CHL1: variants seen among roughly 807,000 people sequenced by gnomAD.
CHL1 encodes cell adhesion molecule L1 like, also known as neural cell adhesion molecule L1-like protein.
In CHL1, 96 loss-of-function variants were observed where a neutral mutation model predicts 141.9. The observed-to-expected ratio is 0.68, with a 90% CI of 0.57 to 0.80. The LOEUF (loss-of-function observed/expected upper bound fraction) is 0.80. CHL1 is among the 30% of genes least tolerant of loss of function. The pLI, the probability that CHL1 is intolerant of heterozygous loss-of-function variation, is 0.00. For synonymous variants in CHL1, 613 were observed against 502.2 expected (o/e 1.22, Z -2.95); for missense variants, 1,820 against 1,457.2 (o/e 1.25, Z -4.05).
intron 9 of CHL1, 111 bp from the exon 10 acceptor site, chr3:349,248 A>G (rs1180914062): frequency 2.4e-6 from 2 of 834,300 alleles, no homozygotes; most frequent in African/African-American, 3.4e-5. Context: ...ATTCAGTGGA[A>G]TATGAGCACA....
chr3:205,747 CAG>C (rs1699378666), intron 1 of CHL1, among the ~76,000 whole-genome samples: 1 of 152,170 alleles, frequency 6.6e-6, no homozygotes, highest in African/African-American at 2.4e-5. Context: ...GTGCTAGAGA[CAG>C]GAATGAAACT....
chr3:273,831 G>A (rs1695849540), intron 2 of CHL1, among the ~76,000 whole-genome samples: 1 of 152,092 alleles, frequency 6.6e-6, no homozygotes, highest in African/African-American at 2.4e-5. Context: ...TTTCCTAACT[G>A]CTCCAATCTA....
At chr3:340,396 C>T (rs187774521) in intron 5 of CHL1, among the ~76,000 whole-genome samples, 2 of 152,146 alleles carry the variant, frequency 1.3e-5, no homozygotes, top group African/African-American at 2.4e-5. Flanking sequence ...CCCAATAAAG[C>T]GAGAGATAGA....
chr3:322,640 T>C (rs1271069734), intron 3 of CHL1, among the ~76,000 whole-genome samples: 3 of 97,072 alleles, frequency 3.1e-5, no homozygotes, highest in African/African-American at 1.2e-4. Context: ...TATATATATA[T>C]ATAAAATATA....
intron 2 of CHL1, among the ~76,000 whole-genome samples, chr3:287,111 C>T (rs1697224358): frequency 6.6e-6 from 1 of 152,100 alleles, no homozygotes. Context: ...TACCTAACCC[C>T]CATTCAAGAT....
chr3:338,332 T>C lies in CHL1; in HGVS notation c.386-2462T>C, dbSNP rs1702097574. On this transcript the variant is annotated intron_variant, in intron 5 of 27. Coordinates refer to ENST00000256509, the MANE Select transcript of CHL1 (RefSeq NM_006614.4). ...TTACCTCATTTACCGAAAAAAATAT[T>C]TTTTTAATTTACTTTTAAAAATATT... is the stretch of plus-strand genomic sequence containing the variant. 2.6e-5 allele frequency among the ~76,000 whole-genome samples: 4 copies of C among 152,170 alleles called. No homozygotes were observed. The South Asian group carries it at 8.3e-4, about 32-fold the overall frequency.
chr3:386,746 T>C (rs1025874713), intron 19 of CHL1, among the ~76,000 whole-genome samples: 2 of 152,088 alleles, frequency 1.3e-5, no homozygotes, highest in African/African-American at 4.8e-5. Context: ...TGGATCTAGG[T>C]TTTATTATTT....
rs760219130 is a variant in CHL1, at chr3:399,185, A to G, written c.3385+37A>G. The G allele has an allele frequency of 3.8e-6, 6 of 1,559,276 alleles. No individual in the cohort carries two copies. The Admixed American group carries it at 8.6e-5, about 22-fold the overall frequency. On this transcript the variant is annotated intron_variant, in intron 26 of 27. Coordinates refer to ENST00000256509, the MANE Select transcript of CHL1 (RefSeq NM_006614.4). Reference sequence around the variant, plus strand: ...TCTTAATGTGATTTTCAACTTATTAAAAAGCATTTTCTGGGAAGCATTCTT... The same window carrying G: ...TCTTAATGTGATTTTCAACTTATTAGAAAGCATTTTCTGGGAAGCATTCTT...
Position 214,031 on chromosome 3 carries a change from A to G in CHL1, c.-175+16968A>G, listed in dbSNP as rs1272367555. On this transcript the variant is annotated intron_variant, in intron 1 of 27. Transcript: ENST00000256509. Reference sequence around the variant, plus strand: ...GTGGAATATGGATACCTTTACTACAACTACATTTGGGGAGTCAACCTAATG... The same window carrying G: ...GTGGAATATGGATACCTTTACTACAGCTACATTTGGGGAGTCAACCTAATG... Among the ~76,000 whole-genome samples the G allele has an allele frequency of 3.3e-5, 5 of 152,284 alleles. No individual in the cohort carries two copies. In the East Asian group the frequency reaches 5.8e-4, roughly 18 times the overall value.
intron 15 of CHL1, chr3:373,994 C>G (rs1314359767): frequency 6.6e-6 from 1 of 152,160 alleles, no homozygotes; most frequent in Non-Finnish European, 1.5e-5. Context: ...TACTATAGTT[C>G]TTTTCCATGG....
intron 16 of CHL1, 112 bp from the exon 17 acceptor site, chr3:382,067 T>A: frequency 1.3e-6 from 1 of 768,020 alleles, no homozygotes; most frequent in Non-Finnish European, 2.1e-6. Context: ...GCTTCCCAGG[T>A]CCCTAAGAGG....
chr3:223,007 A>C (rs1700993888), intron 1 of CHL1, among the ~76,000 whole-genome samples: 1 of 152,120 alleles, frequency 6.6e-6, no homozygotes, highest in Non-Finnish European at 1.5e-5. Context: ...GTGTAAAGAC[A>C]CTTGTTATAC....
At chr3:205,697 T>C (rs1276324471) in intron 1 of CHL1, among the ~76,000 whole-genome samples, 1 of 152,194 alleles carries the variant, frequency 6.6e-6, no homozygotes, top group Non-Finnish European at 1.5e-5. Flanking sequence ...TGAGGCATTG[T>C]GACCAGTCAT....
At position 382,257 on chromosome 3, in the gene CHL1, C is replaced by G; in HGVS notation, c.1955C>G (p.Ala652Gly). Residue 652 changes from alanine (A) to glycine (G), a missense_variant, in exon 17 of 28, where the codon GCT becomes GGT. By Grantham distance (60) the Ala-to-Gly change is moderately conservative (BLOSUM62 0). Coordinates refer to ENST00000256509, the MANE Select transcript of CHL1 (RefSeq NM_006614.4). Reference protein sequence around the residue: ...RSVRLTWEAGADHNSNISEYI... With the variant: ...RSVRLTWEAGGDHNSNISEYI... ...GTTCGGCTGACCTGGGAAGCTGGAGCTGACCACAACAGCAATATTAGCGGT... is the reference window on the plus strand; with the variant it reads ...GTTCGGCTGACCTGGGAAGCTGGAGGTGACCACAACAGCAATATTAGCGGT... 1.2e-6 allele frequency: 2 copies of G among 1,613,668 alleles called. No homozygotes were observed. The highest frequency in any genetic ancestry group is 1.7e-6 in the Non-Finnish European group (2 of 1,179,660).
chr3:298,251 T>G (rs1698387360), intron 2 of CHL1, among the ~76,000 whole-genome samples: 1 of 152,198 alleles, frequency 6.6e-6, no homozygotes, highest in East Asian at 1.9e-4. Flanking sequence ...GTCGAATTGC[T>G]AAAAAGAGAC....
At chr3:258,865 C>G (rs1417570373) in intron 2 of CHL1, among the ~76,000 whole-genome samples, 1 of 135,900 alleles carries the variant, frequency 7.4e-6, no homozygotes, top group Non-Finnish European at 1.5e-5. Context: ...TTAACTAAGT[C>G]CCCTTTTTTT....
intron 10 of CHL1, among the ~76,000 whole-genome samples, chr3:351,449 C>CA (rs1703248617): frequency 6.6e-6 from 1 of 151,952 alleles, no homozygotes; most frequent in African/African-American, 2.4e-5. Context: ...GAAGTCTTTA[C>CA]TTTTTTTTCT....
At chr3:244,892 G>T (rs757627028) in intron 2 of CHL1, among the ~76,000 whole-genome samples, 200 bp downstream of exon 2, 13 of 152,012 alleles carry the variant, frequency 8.6e-5, no homozygotes, top group African/African-American at 1.9e-4. Context: ...CCATTAAATT[G>T]CTGGTTTATT....
intron 16 of CHL1, among the ~76,000 whole-genome samples, chr3:380,112 T>TATA (rs1336098059): frequency 2.0e-5 from 3 of 152,186 alleles, no homozygotes; most frequent in African/African-American, 7.2e-5. Context: ...CTTAGTTTAT[T>TATA]CCAGGAAGCT....
Sources: allele counts gnomAD v4.1 joint callset (sites outside exome capture counted in the v4.1 genomes callset), GRCh38; gene constraint gnomAD v4.1.1; transcripts MANE v1.5; gene names NCBI Gene and HGNC (gene_info 2026-07-23, HGNC 2026-07-21).